The following SERPINF1 variants were observed in gnomAD, a reference collection of about 807,000 sequenced individuals.
The protein encoded by SERPINF1 is pigment epithelium-derived factor.
Under a neutral mutation model 37.3 loss-of-function variants are expected in SERPINF1, and 29 were observed. That is an observed-to-expected ratio of 0.78 (90% CI 0.58 to 1.06). The LOEUF (loss-of-function observed/expected upper bound fraction) is 1.06. SERPINF1 is among the 50% of genes least tolerant of loss of function. The probability of loss-of-function intolerance (pLI) is 0.00; values close to 1 mark genes in which losing one functional copy is unlikely to be tolerated. For missense variants in SERPINF1, 553 were observed against 532.2 expected (o/e 1.04, Z -0.38); for synonymous variants, 281 against 227.9 (o/e 1.23, Z -2.10).
At chr17:1,775,223 TG>T in intron 6 of SERPINF1, 23 bp downstream of exon 6, 2 of 1,568,480 alleles carry the variant, frequency 1.3e-6, no homozygotes, top group East Asian at 2.3e-5. Flanking sequence ...AGGGGCAGGG[TG>T]GGGGGTGGAT....
At chr17:1,766,175 G>A (rs1182876466) in intron 1 of SERPINF1, 1 of 152,240 alleles carries the variant, frequency 6.6e-6, no homozygotes, top group African/African-American at 2.4e-5. Context: ...CCAGGACAAA[G>A]CTTTAGCATA....
chr17:1,767,219 C>T (rs1024021320), intron 2 of SERPINF1, among the ~76,000 whole-genome samples: 1 of 152,162 alleles, frequency 6.6e-6, no homozygotes, highest in African/African-American at 2.4e-5. Flanking sequence ...GAGTAAAAAT[C>T]TGAAGCACTT....
At chr17:1,766,802 C>G (rs1474998326) in intron 1 of SERPINF1, 101 bp from the exon 2 acceptor site, 1 of 1,177,692 alleles carries the variant, frequency 8.5e-7, no homozygotes, top group Admixed American at 2.0e-5. Flanking sequence ...AGTGACTAGC[C>G]CTGCCCAACC....
intron 1 of SERPINF1, among the ~76,000 whole-genome samples, chr17:1,765,577 C>T (rs1312154352): frequency 6.6e-6 from 1 of 152,106 alleles, no homozygotes; most frequent in Non-Finnish European, 1.5e-5. Context: ...CTGCCTCAGC[C>T]TCCCAAAGTG....
At chr17:1,769,365 C>T (rs906392121) in intron 2 of SERPINF1, among the ~76,000 whole-genome samples, 26 of 150,932 alleles carry the variant, frequency 1.7e-4, no homozygotes, top group African/African-American at 3.4e-4. Flanking sequence ...GCCGAGATCA[C>T]GCCACCGTAC....
intron 1 of SERPINF1, among the ~76,000 whole-genome samples, chr17:1,763,312 C>T (rs1376743699): frequency 6.6e-6 from 1 of 152,180 alleles, no homozygotes; most frequent in African/African-American, 2.4e-5. Context: ...TTGAGTTGAT[C>T]CGCCTCACGT....
chr17:1,772,693 G>C (rs551545790), intron 5 of SERPINF1, among the ~76,000 whole-genome samples: 53 of 152,100 alleles, frequency 3.5e-4, no homozygotes, highest in African/African-American at 1.2e-3. Flanking sequence ...CGAGTAGCTG[G>C]GACTACAGGC....
chr17:1,765,903 C>G (rs556810096), intron 1 of SERPINF1, among the ~76,000 whole-genome samples: 3 of 150,780 alleles, frequency 2.0e-5, no homozygotes, highest in African/African-American at 7.3e-5. Flanking sequence ...CAAATGTGAA[C>G]CCAGGATCTC....
rs547628107 is a variant in SERPINF1, at chr17:1,766,928, A to G, written c.18A>G (p.Leu6=). MQALV[L]LLCIGALLGH... is the part of the protein sequence containing the mutation. Reference sequence around the variant, plus strand: ...GCCCCAGGATGCAGGCCCTGGTGCTACTCCTCTGCATTGGAGCCCTCCTCG... The same window carrying G: ...GCCCCAGGATGCAGGCCCTGGTGCTGCTCCTCTGCATTGGAGCCCTCCTCG... The change falls in exon 2 of 8, where the codon CTA becomes CTG. Residue 6 remains leucine (L), a synonymous_variant. Coordinates refer to ENST00000254722, the MANE Select transcript of SERPINF1 (RefSeq NM_002615.7). 8.6e-5 allele frequency: 134 copies of G among 1,563,246 alleles called. No individual in the cohort carries two copies. Among genetic ancestry groups the G allele is most frequent in the Non-Finnish European group, 1.0e-4 (116 of 1,153,876 alleles).
At chr17:1,768,383 C>T (rs1337711548) in intron 2 of SERPINF1, among the ~76,000 whole-genome samples, 3 of 146,816 alleles carry the variant, frequency 2.0e-5, no homozygotes, top group Non-Finnish European at 4.5e-5. Flanking sequence ...GTGAGCTGAG[C>T]TCGCACCACT....
At chr17:1,762,791 G>A (rs1266998238) in intron 1 of SERPINF1, 2 of 152,332 alleles carry the variant, frequency 1.3e-5, no homozygotes, top group African/African-American at 4.8e-5. Flanking sequence ...TAGGCCGGCA[G>A]GTGTATAGGG....
At chr17:1,773,148 CTA>C (rs968729296) in intron 5 of SERPINF1, among the ~76,000 whole-genome samples, 3 of 152,178 alleles carry the variant, frequency 2.0e-5, no homozygotes, top group African/African-American at 7.2e-5. Context: ...GCGTGAATGT[CTA>C]TAGAGTGAGA....
chr17:1,777,051 C>T (rs751887548), intron 7 of SERPINF1, 136 bp from the exon 8 acceptor site: 216 of 1,371,614 alleles, frequency 1.6e-4, no homozygotes, highest in Non-Finnish European at 2.0e-4. Flanking sequence ...ACTCCACCCT[C>T]GGTCAGCTCA....
Position 1,777,332 on chromosome 17 carries a change from C to T in SERPINF1, c.1143C>T (p.His381=). 1 of 1,614,142 alleles carries T rather than the reference C, an allele frequency of 6.2e-7. No individual in the cohort carries two copies. Among genetic ancestry groups the T allele is most frequent in the South Asian group, 1.1e-5 (1 of 91,086 alleles). ...TTPSPGLQPA[H]LTFPLDYHLN... Reference sequence around the variant, plus strand: ...CCAGCCCAGGGCTGCAGCCTGCCCACCTCACCTTCCCGCTGGACTATCACC... The same window carrying T: ...CCAGCCCAGGGCTGCAGCCTGCCCATCTCACCTTCCCGCTGGACTATCACC... Residue 381 remains histidine (H), a synonymous_variant, in exon 8 of 8, where the codon CAC becomes CAT. Coordinates refer to ENST00000254722, the MANE Select transcript of SERPINF1 (RefSeq NM_002615.7).
chr17:1,765,095 C>T (rs1267393140), intron 1 of SERPINF1, among the ~76,000 whole-genome samples: 2 of 150,088 alleles, frequency 1.3e-5, no homozygotes, highest in African/African-American at 2.5e-5. Flanking sequence ...CTACCCGCCT[C>T]GGCCTCTCAA....
intron 1 of SERPINF1, among the ~76,000 whole-genome samples, chr17:1,763,051 A>T (rs1907179112): frequency 6.6e-6 from 1 of 152,028 alleles, no homozygotes; most frequent in African/African-American, 2.4e-5. Flanking sequence ...ACTCCACGGC[A>T]CCCTGGGCTG....
At chr17:1,772,166 G>A in intron 5 of SERPINF1, 91 bp downstream of exon 5, 3 of 1,348,734 alleles carry the variant, frequency 2.2e-6, no homozygotes, top group South Asian at 2.5e-5. Context: ...GTCCTAACTG[G>A]AGTGCAGTGG....
At chr17:1,765,085 C>T (rs1907291791) in intron 1 of SERPINF1, among the ~76,000 whole-genome samples, 1 of 150,476 alleles carries the variant, frequency 6.6e-6, no homozygotes. Flanking sequence ...CTCAGGTGAT[C>T]TACCCGCCTC....
intron 3 of SERPINF1, chr17:1,770,823 C>T (rs1307678005): frequency 1.7e-6 from 1 of 601,438 alleles, no homozygotes; most frequent in Non-Finnish European, 3.0e-6. Flanking sequence ...TCCCTCACTC[C>T]CACCTTCCAG....
Sources: gnomAD v4.1 joint callset for allele counts (sites outside exome capture counted in the v4.1 genomes callset) on GRCh38, gnomAD v4.1.1 for gene constraint, MANE v1.5 for transcripts, NCBI Gene and HGNC (gene_info 2026-07-23, HGNC 2026-07-21) for gene names.